The following ARHGAP31 variants were observed in gnomAD, a reference collection of about 807,000 sequenced individuals.
The protein encoded by ARHGAP31 is Rho GTPase activating protein 31, also known as rho GTPase-activating protein 31.
Under a neutral mutation model 113.9 loss-of-function variants are expected in ARHGAP31, and 34 were observed. The observed-to-expected ratio is 0.30, with a 90% CI of 0.23 to 0.40. The LOEUF is 0.40. Among genes scored for constraint, ARHGAP31 ranks in the 10% least tolerant of loss-of-function variants. The pLI, the probability that ARHGAP31 is intolerant of heterozygous loss-of-function variation, is 1.00. For synonymous variants in ARHGAP31, 650 were observed against 684.8 expected (o/e 0.95, Z 0.79); for missense variants, 1,548 against 1,767.1 (o/e 0.88, Z 2.22).
At chr3:119,379,355 G>A (rs1310184877) in intron 3 of ARHGAP31, among the ~76,000 whole-genome samples, 1 of 152,158 alleles carries the variant, frequency 6.6e-6, no homozygotes, top group Non-Finnish European at 1.5e-5. Flanking sequence ...GTCTCCTCTA[G>A]GTTAAAACAG....
intron 1 of ARHGAP31, among the ~76,000 whole-genome samples, chr3:119,335,462 G>A (rs2079936052): frequency 2.6e-5 from 4 of 152,212 alleles, no homozygotes. Context: ...TCAAAGTGGA[G>A]ACACTTTGAG....
At chr3:119,351,789 G>C (rs1271879215) in intron 1 of ARHGAP31, among the ~76,000 whole-genome samples, 1 of 152,146 alleles carries the variant, frequency 6.6e-6, no homozygotes, top group East Asian at 1.9e-4. Context: ...AGGCACATGC[G>C]GCCGTTCTCT....
intron 6 of ARHGAP31, among the ~76,000 whole-genome samples, chr3:119,390,046 T>C (rs1012877022): frequency 6.6e-6 from 1 of 151,928 alleles, no homozygotes; most frequent in Non-Finnish European, 1.5e-5. Flanking sequence ...TCCCTGGGTG[T>C]GGAGGGGAGT....
intron 1 of ARHGAP31, among the ~76,000 whole-genome samples, chr3:119,318,335 T>C (rs1420851565): frequency 6.6e-6 from 1 of 152,210 alleles, no homozygotes; most frequent in Non-Finnish European, 1.5e-5. Context: ...ACTGGGTGAC[T>C]TTCAGAATCG....
At chr3:119,327,539 T>C (rs775858964) in intron 1 of ARHGAP31, among the ~76,000 whole-genome samples, 12 of 152,148 alleles carry the variant, frequency 7.9e-5, no homozygotes, top group Non-Finnish European at 1.8e-4. Flanking sequence ...AGCGAGACAA[T>C]GTCTCAAAAA....
intron 4 of ARHGAP31, among the ~76,000 whole-genome samples, chr3:119,381,941 G>A (rs577997790): frequency 9.5e-5 from 14 of 146,780 alleles, no homozygotes; most frequent in Non-Finnish European, 1.3e-4. Flanking sequence ...AGCTGAGATC[G>A]CGCCACTGCA....
At chr3:119,365,171 T>TA (rs1441947531) in intron 1 of ARHGAP31, 145 bp from the exon 2 acceptor site, 1 of 678,474 alleles carries the variant, frequency 1.5e-6, no homozygotes, top group East Asian at 2.7e-5. Flanking sequence ...ACCTACCACT[T>TA]ACAAGAAATT....
chr3:119,386,299 A>G (rs991943628), intron 6 of ARHGAP31, among the ~76,000 whole-genome samples: 1 of 152,212 alleles, frequency 6.6e-6, no homozygotes, highest in Non-Finnish European at 1.5e-5. Context: ...CTTATAAGCA[A>G]TAAACCTATT....
intron 3 of ARHGAP31, among the ~76,000 whole-genome samples, chr3:119,372,098 A>G (rs551716291): frequency 3.3e-5 from 5 of 152,246 alleles, no homozygotes; most frequent in African/African-American, 4.8e-5. Flanking sequence ...CGGTAGAACA[A>G]TTTATGTTCC....
intron 1 of ARHGAP31, among the ~76,000 whole-genome samples, chr3:119,320,562 A>G (rs2079773726): frequency 6.6e-6 from 1 of 152,212 alleles, no homozygotes; most frequent in African/African-American, 2.4e-5. Context: ...ATGATGCAGT[A>G]ACCTTACCCA....
chr3:119,325,655 G>A (rs935618), intron 1 of ARHGAP31, among the ~76,000 whole-genome samples: 8,857 of 148,706 alleles, frequency 0.06, 315 homozygotes, highest in Non-Finnish European at 0.075. Context: ...GGATGGCGGG[G>A]GTTGGGGGGG....
intron 1 of ARHGAP31, among the ~76,000 whole-genome samples, chr3:119,306,530 C>T (rs1466121109): frequency 1.3e-5 from 2 of 152,154 alleles, no homozygotes; most frequent in African/African-American, 4.8e-5. Flanking sequence ...GCACTCTAGC[C>T]TGGGGGACGG....
chr3:119,328,832 G>A (rs1218855675), intron 1 of ARHGAP31, among the ~76,000 whole-genome samples: 1 of 152,028 alleles, frequency 6.6e-6, no homozygotes, highest in Admixed American at 6.5e-5. Flanking sequence ...AATAAAGATG[G>A]GATTTCACCT....
chr3:119,362,020 G>A (rs1483788622), intron 1 of ARHGAP31, among the ~76,000 whole-genome samples: 3 of 152,214 alleles, frequency 2.0e-5, no homozygotes, highest in Non-Finnish European at 2.9e-5. Flanking sequence ...TATGGCAGAG[G>A]CTCTGTCTCA....
In ARHGAP31 at chr3:119,371,928, AG is replaced by A. The variant is rs990922054; in HGVS notation, c.348+3414del. On this transcript the variant is annotated intron_variant, in intron 3 of 11. Coordinates refer to ENST00000264245, the MANE Select transcript of ARHGAP31 (RefSeq NM_020754.4). ...CCCAGCTTCATCCATGTTCCTGCAA[AG>A]GACATGATCTTATTCTTTTTTAAGG... Among the ~76,000 whole-genome samples the A allele has an allele frequency of 5.8e-4, 88 of 152,334 alleles. 1 individual carries two copies. Among genetic ancestry groups the A allele is most frequent in the Admixed American group, 5.2e-3 (79 of 15,300 alleles).
chr3:119,343,370 G>A (rs1395124792), intron 1 of ARHGAP31, among the ~76,000 whole-genome samples: 1 of 152,194 alleles, frequency 6.6e-6, no homozygotes, highest in Non-Finnish European at 1.5e-5. Flanking sequence ...ACTGTAAAAT[G>A]AGGACTGTTA....
At chr3:119,375,924 T>A (rs2080342509) in intron 3 of ARHGAP31, among the ~76,000 whole-genome samples, 1 of 152,214 alleles carries the variant, frequency 6.6e-6, no homozygotes, top group African/African-American at 2.4e-5. Context: ...TAATCATAAC[T>A]CACTGTAACT....
intron 1 of ARHGAP31, among the ~76,000 whole-genome samples, chr3:119,346,459 G>A (rs1408039905): frequency 2.6e-5 from 4 of 152,194 alleles, no homozygotes; most frequent in South Asian, 2.1e-4. Context: ...AATGAACAAG[G>A]AAGGGTTCTC....
intron 6 of ARHGAP31, among the ~76,000 whole-genome samples, chr3:119,384,201 TG>T (rs1460480530): frequency 1.3e-5 from 2 of 152,222 alleles, no homozygotes; most frequent in East Asian, 3.8e-4. Flanking sequence ...TTTTGATTCC[TG>T]GTATAACTGT....
Sources: allele counts gnomAD v4.1 joint callset (sites outside exome capture counted in the v4.1 genomes callset), GRCh38; gene constraint gnomAD v4.1.1; transcripts MANE v1.5; gene names NCBI Gene and HGNC (gene_info 2026-07-23, HGNC 2026-07-21).